The following WIPF1 variants were observed in gnomAD, a reference collection of about 807,000 sequenced individuals.
WIPF1 encodes the protein WAS/WASL-interacting protein family member 1.
A neutral mutation model predicts 35.4 loss-of-function variants in WIPF1; 13 were observed. The ratio of observed to expected loss-of-function variants is 0.37; its 90% CI spans 0.24 to 0.58. The LOEUF (loss-of-function observed/expected upper bound fraction) is 0.58, where lower values mean the gene tolerates loss of function less well. Ranked by LOEUF, WIPF1 falls within the 20% of genes least tolerant of loss-of-function variation. The pLI, the probability that WIPF1 is intolerant of heterozygous loss-of-function variation, is 0.74. For missense variants in WIPF1, 591 were observed against 667.0 expected, an observed-to-expected ratio of 0.89 and a Z score of 1.25; for synonymous variants, 267 against 266.3, an observed-to-expected ratio of 1.00 and a Z score of -0.02.
intron 1 of WIPF1, among the ~76,000 whole-genome samples, chr2:174,681,140 T>C (rs1465388374): frequency 6.6e-6 from 1 of 152,234 alleles, no homozygotes; most frequent in Non-Finnish European, 1.5e-5. Context: ...TTGATGTGTT[T>C]TCATGGAGCC....
chr2:174,564,814 TGCAC>T (rs1474180448), intron 7 of WIPF1, among the ~76,000 whole-genome samples: 1 of 94,986 alleles, frequency 1.1e-5, no homozygotes, highest in African/African-American at 3.8e-5. Context: ...CTTCTTCTGG[TGCAC>T]ACACACACAC....
chr2:174,562,032 T>A lies in WIPF1; in HGVS notation c.*515A>T. The A allele has an allele frequency of 6.5e-7, 1 of 1,541,942 alleles. No homozygotes were observed. The highest frequency in any genetic ancestry group is 8.8e-7 in the Non-Finnish European group (1 of 1,139,246). ...TCACATTATATTTCTATTGGACAGC[T>A]CTGTCCTAGAGCCAAGCTCGGACTG... On this transcript the variant is annotated 3_prime_UTR_variant, in exon 8 of 8. Transcript: ENST00000679041.
At chr2:174,671,153 T>C (rs1688009817) in intron 1 of WIPF1, among the ~76,000 whole-genome samples, 1 of 152,244 alleles carries the variant, frequency 6.6e-6, no homozygotes, top group South Asian at 2.1e-4. Flanking sequence ...GCTGAAGCCA[T>C]GGCAGAAGAA....
At chr2:174,607,379 G>A (rs1292784548) in intron 1 of WIPF1, among the ~76,000 whole-genome samples, 1 of 151,898 alleles carries the variant, frequency 6.6e-6, no homozygotes, top group African/African-American at 2.4e-5. Flanking sequence ...CTCCAACCTG[G>A]GCAACAGAGC....
At chr2:174,617,812 GCCAGT>G (rs769150812) in intron 1 of WIPF1, among the ~76,000 whole-genome samples, 11 of 152,188 alleles carry the variant, frequency 7.2e-5, no homozygotes, top group Non-Finnish European at 1.3e-4. Flanking sequence ...TATTTTCTTG[GCCAGT>G]CCATGAATGG....
chr2:174,562,674 G>T, intron 7 of WIPF1, 72 bp from the exon 8 acceptor site: 1 of 1,573,760 alleles, frequency 6.4e-7, no homozygotes, highest in South Asian at 1.2e-5. Context: ...ACTCGGGGAT[G>T]GTTGCACGGG....
intron 3 of WIPF1, 170 bp downstream of exon 3, chr2:174,581,140 C>G: frequency 4.6e-6 from 4 of 875,554 alleles, no homozygotes; most frequent in South Asian, 2.2e-5. Context: ...AGAGGGGAAC[C>G]CAAGCCAAAG....
At chr2:174,602,105 C>T (rs1686028783), upstream of WIPF1, among the ~76,000 whole-genome samples, 2 of 152,156 alleles carry the variant, frequency 1.3e-5, no homozygotes, top group South Asian at 2.1e-4. Context: ...ATTTTAAATG[C>T]GTATCTCTTT....
chr2:174,682,275 G>A (rs1227613722), intron 1 of WIPF1, among the ~76,000 whole-genome samples: 1 of 152,174 alleles, frequency 6.6e-6, no homozygotes, highest in African/African-American at 2.4e-5. Flanking sequence ...GCTGGAGCGC[G>A]GGAGGGGCAC....
chr2:174,572,823 T>G (rs1446440793), intron 4 of WIPF1, among the ~76,000 whole-genome samples: 1 of 152,156 alleles, frequency 6.6e-6, no homozygotes, highest in Non-Finnish European at 1.5e-5. Flanking sequence ...CTCATCACCA[T>G]CTCTGTCTCC....
At chr2:174,645,030 G>C (rs1198379936) in intron 1 of WIPF1, among the ~76,000 whole-genome samples, 1 of 152,178 alleles carries the variant, frequency 6.6e-6, no homozygotes, top group Non-Finnish European at 1.5e-5. Flanking sequence ...GAAGCCTAGA[G>C]TAGAGGGGAA....
intron 1 of WIPF1, among the ~76,000 whole-genome samples, chr2:174,657,361 A>T (rs967001080): frequency 6.6e-6 from 1 of 152,184 alleles, no homozygotes; most frequent in Admixed American, 6.5e-5. Context: ...TCTTAAACCT[A>T]CCTCCAATTA....
Position 174,575,190 on chromosome 2 carries a change from GA to G in WIPF1, c.358+13del. 9 of 1,596,970 alleles carry G rather than the reference GA, an allele frequency of 5.6e-6. No individual in the cohort carries two copies. The highest frequency in any genetic ancestry group is 7.7e-6 in the Non-Finnish European group (9 of 1,169,034). The stretch of plus-strand genomic sequence containing the variant: ...TTGTCTTCAGTCACTCAGAGACAGG[GA>G]AACTCTCCTTACCATTATCCCTGTT... On this transcript the variant is annotated intron_variant, in intron 4 of 7. Coordinates refer to ENST00000679041, the MANE Select transcript of WIPF1 (RefSeq NM_001375834.1).
chr2:174,599,792 ACTCTCTCTCT>A, upstream of WIPF1, among the ~76,000 whole-genome samples: 1 of 148,666 alleles, frequency 6.7e-6, no homozygotes, highest in Non-Finnish European at 1.5e-5. Context: ...ACACACACAC[ACTCTCTCTCT>A]CTCTCTCTCT....
At chr2:174,572,571 T>A in intron 4 of WIPF1, 125 bp from the exon 5 acceptor site, 2 of 1,287,680 alleles carry the variant, frequency 1.6e-6, no homozygotes, top group Non-Finnish European at 2.1e-6. Context: ...AGGAAACTAT[T>A]ATTTATATAA....
chr2:174,669,155 C>G (rs926806368), intron 1 of WIPF1, among the ~76,000 whole-genome samples: 1 of 152,212 alleles, frequency 6.6e-6, no homozygotes, highest in Non-Finnish European at 1.5e-5. Flanking sequence ...TCCCTGACTT[C>G]TGTGGCCATG....
chr2:174,565,260 G>T (rs1032027862), intron 7 of WIPF1, among the ~76,000 whole-genome samples: 1 of 152,034 alleles, frequency 6.6e-6, no homozygotes, highest in African/African-American at 2.4e-5. Flanking sequence ...TTCTTCATTA[G>T]GTATTGTCTA....
At chr2:174,569,111 G>T (rs1026972203) in intron 5 of WIPF1, among the ~76,000 whole-genome samples, 8 of 151,912 alleles carry the variant, frequency 5.3e-5, no homozygotes, top group African/African-American at 1.5e-4. Flanking sequence ...TGTTCCGCTT[G>T]TAAGATGCTG....
At position 174,585,614 on chromosome 2, in the gene WIPF1, G is replaced by C. The variant is rs1446100989; in HGVS notation, c.-38-3C>G. On this transcript the variant is annotated splice_region_variant and splice_polypyrimidine_tract_variant and intron_variant, in intron 1 of 7. Transcript: ENST00000679041. ...GTTCAACAGTCTTGCTGATAAATCT[G>C]GAAAAACAAGAATGCGATCATGTAT... The C allele has an allele frequency of 3.8e-6, 6 of 1,590,226 alleles. No individual in the cohort carries two copies. In the South Asian group the frequency reaches 6.7e-5, roughly 18 times the overall value.
Sources: gnomAD v4.1 joint callset for allele counts (sites outside exome capture counted in the v4.1 genomes callset) on GRCh38, gnomAD v4.1.1 for gene constraint, MANE v1.5 for transcripts, NCBI Gene and HGNC (gene_info 2026-07-23, HGNC 2026-07-21) for gene names.